Variants in HIP1 observed in about 807,000 individuals in gnomAD.
The protein encoded by HIP1 is huntingtin interacting protein 1.
HIP1 carries 65 observed loss-of-function variants against 147.6 expected under a neutral mutation model. That is an observed-to-expected ratio of 0.44 (90% CI 0.36 to 0.54). HIP1 has a LOEUF of 0.54. Among genes scored for constraint, HIP1 ranks in the 20% least tolerant of loss-of-function variants. The pLI is 0.00. For synonymous variants in HIP1, 479 were observed against 504.0 expected (o/e 0.95, Z 0.67); for missense variants, 1,061 against 1,299.6 (o/e 0.82, Z 2.82).
chr7:75,640,754 AT>A (rs879972949), intron 1 of HIP1, among the ~76,000 whole-genome samples: 55,284 of 125,686 alleles, frequency 0.44, 10,434 homozygotes, highest in Middle Eastern at 0.5. Flanking sequence ...CTCCATCTCA[AT>A]AATAATAATA....
At chr7:75,717,751 ACTTGAGG>A (rs1801367417) in intron 1 of HIP1, among the ~76,000 whole-genome samples, 1 of 151,120 alleles carries the variant, frequency 6.6e-6, no homozygotes, top group African/African-American at 2.4e-5. Context: ...TGGGCAGATC[ACTTGAGG>A]TCAGGAATTT....
chr7:75,669,392 A>G (rs988811987), intron 1 of HIP1, among the ~76,000 whole-genome samples: 2 of 151,644 alleles, frequency 1.3e-5, no homozygotes, highest in Non-Finnish European at 1.5e-5. Context: ...AAACAAAACA[A>G]AACAAAAAAA....
At chr7:75,619,674 TAAGGCCAA>T (rs1554506664) in intron 1 of HIP1, among the ~76,000 whole-genome samples, 1 of 152,166 alleles carries the variant, frequency 6.6e-6, no homozygotes, top group Non-Finnish European at 1.5e-5. Context: ...GAATTGCCAC[TAAGGCCAA>T]ATTAGGAGAT....
intron 8 of HIP1, among the ~76,000 whole-genome samples, chr7:75,572,976 A>C (rs1282717886): frequency 6.6e-6 from 1 of 152,126 alleles, no homozygotes; most frequent in Non-Finnish European, 1.5e-5. Context: ...TCTTAGAGCA[A>C]AGTTGGGGCT....
At chr7:75,628,332 C>A (rs1798108658) in intron 1 of HIP1, among the ~76,000 whole-genome samples, 3 of 152,172 alleles carry the variant, frequency 2.0e-5, no homozygotes, top group African/African-American at 7.2e-5. Context: ...CCTTCCCCAC[C>A]CCACTTCCTG....
chr7:75,557,642 C>T lies in HIP1; in HGVS notation c.1581+12G>A, dbSNP rs1584794475. On this transcript the variant is annotated intron_variant, in intron 16 of 30. Coordinates refer to ENST00000336926, the MANE Select transcript of HIP1 (RefSeq NM_005338.7). ...CCTCCCTCATTTCCCGAGTGCTCCTCGTCCCACTCACCTTCCGCTGGCCCT... is the reference window on the plus strand; with the variant it reads ...CCTCCCTCATTTCCCGAGTGCTCCTTGTCCCACTCACCTTCCGCTGGCCCT... 6.3e-6 allele frequency: 10 copies of T among 1,586,310 alleles called. No homozygotes were observed. Among genetic ancestry groups the T allele is most frequent in the African/African-American group, 1.3e-5 (1 of 74,480 alleles).
intron 1 of HIP1, among the ~76,000 whole-genome samples, chr7:75,624,222 C>T (rs1478603941): frequency 6.6e-6 from 1 of 152,108 alleles, no homozygotes; most frequent in Non-Finnish European, 1.5e-5. Context: ...ATGGATACTC[C>T]CTGCTCTGGA....
intron 1 of HIP1, among the ~76,000 whole-genome samples, chr7:75,668,485 G>A (rs530005571): frequency 1.6e-3 from 250 of 152,124 alleles, no homozygotes; most frequent in African/African-American, 5.5e-3. Flanking sequence ...CCAGCACACC[G>A]GGCTAATTTT....
intron 1 of HIP1, among the ~76,000 whole-genome samples, chr7:75,732,691 G>A (rs1801875778): frequency 6.6e-6 from 1 of 152,126 alleles, no homozygotes. Context: ...CACCCAAAGA[G>A]ATTTTGACTC....
intron 6 of HIP1, among the ~76,000 whole-genome samples, chr7:75,581,566 G>A (rs1397508230): frequency 5.9e-5 from 9 of 152,066 alleles, no homozygotes; most frequent in Admixed American, 5.2e-4. Context: ...ATCACCTGAG[G>A]TCAGGAGTTC....
Position 75,558,170 on chromosome 7 carries a change from C to T in HIP1, c.1461G>A (p.Arg487=). 2 of 1,613,454 alleles carry T rather than the reference C, an allele frequency of 1.2e-6. No individual in the cohort carries two copies. The highest frequency in any genetic ancestry group is 1.7e-6 in the Non-Finnish European group (2 of 1,179,496). ...TGACAGGGGCTGAGGGTCTTACCTTCCGCAGCAGGTCAGCGTGGTTCTGAA... is the reference window on the plus strand; with the variant it reads ...TGACAGGGGCTGAGGGTCTTACCTTTCGCAGCAGGTCAGCGTGGTTCTGAA... ...ELVQNHADLL[R]KNAEVTKQVS... Residue 487 remains arginine, a synonymous_variant, in exon 15 of 31, where the codon CGG becomes CGA. Transcript: ENST00000336926.
intron 1 of HIP1, among the ~76,000 whole-genome samples, chr7:75,646,809 G>C (rs900805822): frequency 1.3e-5 from 2 of 152,188 alleles, no homozygotes; most frequent in African/African-American, 4.8e-5. Context: ...GGAACCCTGA[G>C]AGCTGTAGCA....
chr7:75,636,024 CAAAAAA>C (rs34434184), intron 1 of HIP1, among the ~76,000 whole-genome samples: 3 of 53,706 alleles, frequency 5.6e-5, no homozygotes, highest in East Asian at 6.6e-4. Context: ...GACCCTGTCT[CAAAAAA>C]AAAAAAAAAA....
rs967862929 is a variant in HIP1, at chr7:75,555,694, G to A, written c.1828-143C>T. ...CAGTAAGCCTGAGACAGAGAAAGGCGCTTTAACTGTGTGCACAGGATGTGC... is the reference window on the plus strand; with the variant it reads ...CAGTAAGCCTGAGACAGAGAAAGGCACTTTAACTGTGTGCACAGGATGTGC... On this transcript the variant is annotated intron_variant, in intron 18 of 30. Coordinates refer to ENST00000336926, the MANE Select transcript of HIP1 (RefSeq NM_005338.7). The A allele has an allele frequency of 6.3e-5, 57 of 900,358 alleles. 1 individual carries two copies. In the South Asian group the frequency reaches 7.9e-4, roughly 13 times the overall value. 55.8% of individuals were successfully genotyped at this position (900,358 alleles called of 1,614,324 possible).
intron 7 of HIP1, among the ~76,000 whole-genome samples, chr7:75,579,153 C>G (rs113281735): frequency 7.9e-4 from 120 of 152,024 alleles, no homozygotes; most frequent in African/African-American, 2.8e-3. Context: ...GCATCTACAC[C>G]ACTGCTTTCA....
At chr7:75,612,901 C>G (rs1797497544) in intron 1 of HIP1, among the ~76,000 whole-genome samples, 1 of 152,168 alleles carries the variant, frequency 6.6e-6, no homozygotes, top group East Asian at 1.9e-4. Context: ...GCCAGGAGTT[C>G]AAGACAAGCC....
At position 75,605,358 on chromosome 7, in the gene HIP1, C is replaced by CG. The variant is rs200522948; in HGVS notation, c.121-6112dup. On this transcript the variant is annotated intron_variant, in intron 1 of 30. Coordinates refer to ENST00000336926, the MANE Select transcript of HIP1 (RefSeq NM_005338.7). Reference sequence around the variant, plus strand: ...GGCATGGAGCATGCAGCCTGAGGGCCGGGGGGGATGGAGGAGAAGCCAGGA... The same window carrying CG: ...GGCATGGAGCATGCAGCCTGAGGGCCGGGGGGGGATGGAGGAGAAGCCAGGA... Among the ~76,000 whole-genome samples, 830 of 151,934 alleles carry CG rather than the reference C, an allele frequency of 5.5e-3. 6 individuals are homozygous for CG. Among genetic ancestry groups the CG allele is most frequent in the African/African-American group, 0.019 (783 of 41,438 alleles).
chr7:75,556,911 A>T (rs1660580097), intron 16 of HIP1, 100 bp from the exon 17 acceptor site: 2 of 755,538 alleles, frequency 2.6e-6, no homozygotes, highest in Non-Finnish European at 2.3e-6. Flanking sequence ...AGATCTGTAA[A>T]CTCTACTGTA....
chr7:75,648,282 C>CTGGGGCTCGTCGGAGTAGT (rs1798868366), intron 1 of HIP1, among the ~76,000 whole-genome samples: 1 of 151,676 alleles, frequency 6.6e-6, no homozygotes, highest in Non-Finnish European at 1.5e-5. Context: ...GTTGGAGTAG[C>CTGGGGCTCGTCGGAGTAGT]TGGGGCTCGT....
Sources: gnomAD v4.1 joint callset for allele counts (sites outside exome capture counted in the v4.1 genomes callset) on GRCh38, gnomAD v4.1.1 for gene constraint, MANE v1.5 for transcripts, NCBI Gene and HGNC (gene_info 2026-07-23, HGNC 2026-07-21) for gene names.